XRCC4: variants seen among roughly 807,000 people sequenced by gnomAD.
The protein encoded by XRCC4 is X-ray repair cross complementing 4.
A neutral mutation model predicts 39.1 loss-of-function variants in XRCC4; 28 were observed. That is an observed-to-expected ratio of 0.72 (90% CI 0.53 to 0.98). The LOEUF is 0.98. XRCC4 is among the 50% of genes least tolerant of loss of function. The pLI is 0.00. For synonymous variants in XRCC4, 123 were observed against 126.4 expected (o/e 0.97, Z 0.18); for missense variants, 350 against 376.4 (o/e 0.93, Z 0.58).
At chr5:83,107,717 T>G (rs1251187224) in intron 2 of XRCC4, among the ~76,000 whole-genome samples, 1 of 151,978 alleles carries the variant, frequency 6.6e-6, no homozygotes, top group Non-Finnish European at 1.5e-5. Flanking sequence ...GTTTGAAGTT[T>G]ATTAAAGAGT....
At chr5:83,313,077 CTTTCT>C (rs1378857278) in intron 7 of XRCC4, among the ~76,000 whole-genome samples, 10 of 86,278 alleles carry the variant, frequency 1.2e-4, no homozygotes, top group South Asian at 3.8e-4. Flanking sequence ...CTTTTCTTTT[CTTTCT>C]TTTTTTTTTT....
intron 7 of XRCC4, among the ~76,000 whole-genome samples, chr5:83,309,117 A>C (rs1028116676): frequency 3.3e-5 from 5 of 150,696 alleles, no homozygotes; most frequent in Non-Finnish European, 5.9e-5. Context: ...GTCTCTACTA[A>C]AAATACAAAA....
chr5:83,186,361 G>A (rs1186302233), intron 3 of XRCC4, among the ~76,000 whole-genome samples: 2 of 152,174 alleles, frequency 1.3e-5, no homozygotes, highest in African/African-American at 2.4e-5. Context: ...AAACAAAGTA[G>A]TACACACTTA....
chr5:83,257,547 G>A (rs959223146), intron 6 of XRCC4, among the ~76,000 whole-genome samples: 2 of 152,166 alleles, frequency 1.3e-5, no homozygotes, highest in African/African-American at 4.8e-5. Context: ...ACAGATGCTG[G>A]AGTGGATGTG....
intron 3 of XRCC4, among the ~76,000 whole-genome samples, chr5:83,165,146 T>C (rs1215783976): frequency 6.6e-6 from 1 of 151,966 alleles, no homozygotes; most frequent in African/African-American, 2.4e-5. Flanking sequence ...TGAAAAGAAA[T>C]GTGAACCTTT....
chr5:83,321,596 TCTC>T (rs1323399265), intron 7 of XRCC4, among the ~76,000 whole-genome samples: 1 of 152,150 alleles, frequency 6.6e-6, no homozygotes, highest in Non-Finnish European at 1.5e-5. Flanking sequence ...TTATTGTTAA[TCTC>T]AGCATACTAT....
At chr5:83,080,654 G>A (rs1466979753) in intron 1 of XRCC4, among the ~76,000 whole-genome samples, 1 of 151,970 alleles carries the variant, frequency 6.6e-6, no homozygotes, top group Non-Finnish European at 1.5e-5. Context: ...CTTGTTTAGC[G>A]TATCCCTGCT....
At chr5:83,165,424 T>C (rs559270130) in intron 3 of XRCC4, among the ~76,000 whole-genome samples, 1 of 152,312 alleles carries the variant, frequency 6.6e-6, no homozygotes, top group Admixed American at 6.5e-5. Flanking sequence ...TAATATTGCT[T>C]GTTGAAATTA....
At chr5:83,307,636 A>T (rs1755534662) in intron 7 of XRCC4, among the ~76,000 whole-genome samples, 1 of 152,220 alleles carries the variant, frequency 6.6e-6, no homozygotes, top group African/African-American at 2.4e-5. Context: ...GAATGGTGGA[A>T]GCAAGGCAGA....
At chr5:83,309,671 G>C (rs1290081538) in intron 7 of XRCC4, among the ~76,000 whole-genome samples, 1 of 150,902 alleles carries the variant, frequency 6.6e-6, no homozygotes, top group East Asian at 2.0e-4. Context: ...GGCTGAGGCG[G>C]GAGAATGGCG....
chr5:83,366,343 G>A, the XRCC4 span, among the ~76,000 whole-genome samples: 5 of 152,162 alleles, frequency 3.3e-5, no homozygotes, highest in East Asian at 1.9e-4. Flanking sequence ...AAAACAAGAC[G>A]GATCCTTGAT....
intron 7 of XRCC4, among the ~76,000 whole-genome samples, chr5:83,325,845 G>A (rs926477884): frequency 5.3e-5 from 8 of 151,936 alleles, no homozygotes; most frequent in Admixed American, 2.0e-4. Context: ...TGCTGGGTCC[G>A]ATGGTATTTC....
chr5:83,262,950 G>A (rs1350718194), intron 7 of XRCC4, among the ~76,000 whole-genome samples: 2 of 143,166 alleles, frequency 1.4e-5, no homozygotes, highest in African/African-American at 5.2e-5. Flanking sequence ...CCACTAACTC[G>A]TCATCTAGCA....
chr5:83,146,007 T>A (rs1748435804), intron 3 of XRCC4, among the ~76,000 whole-genome samples: 1 of 152,174 alleles, frequency 6.6e-6, no homozygotes, highest in Admixed American at 6.5e-5. Flanking sequence ...TCATGACTTT[T>A]CTCTATATTT....
chr5:83,280,268 A>C, intron 7 of XRCC4: 1 of 357,534 alleles, frequency 2.8e-6, no homozygotes, highest in Non-Finnish European at 5.4e-6. Context: ...GTTTTACAAT[A>C]TCCGGATGTC....
rs1746431791 is a variant in XRCC4 at position 83,111,219 on chromosome 5, C to T, written c.315+16C>T. The T allele has an allele frequency of 6.4e-7, 1 of 1,551,218 alleles. No homozygotes were observed. The highest frequency in any genetic ancestry group is 2.3e-5 in the East Asian group (1 of 43,130). ...AGATGTCTCAGTAAGTAAAACTTTC[C>T]AAAATGTTACATAGTAAAATGTCAG... On this transcript the variant is annotated intron_variant, in intron 3 of 7. Transcript: ENST00000396027.
chr5:83,327,041 A>G (rs73138299), intron 7 of XRCC4, among the ~76,000 whole-genome samples: 3,353 of 151,956 alleles, frequency 0.022, 105 homozygotes, highest in African/African-American at 0.071. Flanking sequence ...TTCTATCTAT[A>G]TTTTTAAACT....
chr5:83,371,830 T>C, the XRCC4 span, among the ~76,000 whole-genome samples: 3 of 152,168 alleles, frequency 2.0e-5, no homozygotes, highest in Non-Finnish European at 4.4e-5. Context: ...GAATTATCCT[T>C]AGGGTCACCA....
intron 6 of XRCC4, among the ~76,000 whole-genome samples, chr5:83,207,087 A>T (rs1751450551): frequency 6.6e-6 from 1 of 152,262 alleles, no homozygotes; most frequent in South Asian, 2.1e-4. Context: ...AAATGAAATT[A>T]TTATTTAATA....
Sources: allele counts gnomAD v4.1 joint callset (sites outside exome capture counted in the v4.1 genomes callset), GRCh38; gene constraint gnomAD v4.1.1; transcripts MANE v1.5; gene names NCBI Gene and HGNC (gene_info 2026-07-23, HGNC 2026-07-21).